The following NRSN1 variants were observed in gnomAD, a reference collection of about 807,000 sequenced individuals.
NRSN1 encodes the protein neurensin 1, also known as neurensin-1.
A neutral mutation model predicts 17.3 loss-of-function variants in NRSN1; 14 were observed. The observed-to-expected ratio is 0.81, with a 90% confidence interval of 0.54 to 1.27. The LOEUF is 1.27. NRSN1 is among the 50% of genes most tolerant of loss of function. NRSN1 has a pLI of 0.00. For missense variants in NRSN1, 209 were observed against 235.9 expected, an observed-to-expected ratio of 0.89 and a Z score of 0.75; for synonymous variants, 79 against 94.2, an observed-to-expected ratio of 0.84 and a Z score of 0.93.
chr6:24,142,833 C>G (rs1290954925), intron 3 of NRSN1, among the ~76,000 whole-genome samples: 2 of 152,206 alleles, frequency 1.3e-5, no homozygotes, highest in Non-Finnish European at 2.9e-5. Context: ...AAGAACAAAG[C>G]TTCCACAGGG....
intron 2 of NRSN1, among the ~76,000 whole-genome samples, chr6:24,133,312 A>G (rs1422576414): frequency 6.6e-6 from 1 of 152,234 alleles, no homozygotes; most frequent in Non-Finnish European, 1.5e-5. Context: ...GGTAAAATAT[A>G]TGGTGTTAGA....
chr6:24,127,775 T>A (rs1163690975), intron 1 of NRSN1, among the ~76,000 whole-genome samples: 1 of 152,208 alleles, frequency 6.6e-6, no homozygotes, highest in Non-Finnish European at 1.5e-5. Flanking sequence ...GCAAGGAACT[T>A]TTTTAAATTT....
chr6:24,145,791 AAAG>A lies in NRSN1; in HGVS notation c.439_441del (p.Glu147del). 3 of 1,614,214 alleles carry A rather than the reference AAAG, an allele frequency of 1.9e-6. No homozygotes were observed. Among genetic ancestry groups the A allele is most frequent in the Non-Finnish European group, 2.5e-6 (3 of 1,180,040 alleles). ...GTCGGTGTTTGTAAAGAGCTACTCC[AAAG>A]AAGAAAAATTCCTCCAGCAGAAGTT... On this transcript the variant is annotated inframe_deletion, in exon 4 of 4. Coordinates refer to ENST00000378491, the MANE Select transcript of NRSN1 (RefSeq NM_080723.5). The surrounding 1 kb of genome is among the most constrained non-coding windows in gnomAD (Gnocchi z 4.4).
At chr6:24,140,800 T>C in intron 3 of NRSN1, 1 of 1,233,710 alleles carries the variant, frequency 8.1e-7, no homozygotes, top group Non-Finnish European at 1.0e-6. Flanking sequence ...CCTCATCAGC[T>C]CACTGGGAAA....
At position 24,140,932 on chromosome 6, in the gene NRSN1, G is replaced by A. The variant is rs757758150; in HGVS notation, c.190-4616G>A. 71 of 1,322,308 alleles carry A rather than the reference G, an allele frequency of 5.4e-5. No homozygotes were observed. In the African/African-American group the frequency reaches 9.9e-4, roughly 18 times the overall value. 81.9% of individuals were successfully genotyped at this position (1,322,308 alleles called of 1,614,324 possible). A position where few individuals can be genotyped will look rare whatever the true frequency, so the allele number is the denominator to read the frequency against. ...ATTTTCCTTTCCAGCAGCAGGAACT[G>A]GGTTTTCACACATCCTCCCACAGCC... On this transcript the variant is annotated intron_variant, in intron 3 of 3. Transcript: ENST00000378491.
chr6:24,130,898 T>C (rs1760018305), intron 2 of NRSN1, among the ~76,000 whole-genome samples: 1 of 152,188 alleles, frequency 6.6e-6, no homozygotes, highest in Non-Finnish European at 1.5e-5. Context: ...TCCAACCCTC[T>C]TACTTTAAGG....
At position 24,142,191 on chromosome 6, in the gene NRSN1, C is replaced by CCTTTTTTT. The variant is rs1554140616; in HGVS notation, c.190-3357_190-3356insCTTTTTTT. ...AGCACTTATGTCTTATACAGAACAGCTTTTTTTTTTTTTTTTTTTTTTTCA... is the reference window on the plus strand; with the variant it reads ...AGCACTTATGTCTTATACAGAACAGCCTTTTTTTTTTTTTTTTTTTTTTTTTTTTTTCA... On this transcript the variant is annotated intron_variant, in intron 3 of 3. Coordinates refer to ENST00000378491, the MANE Select transcript of NRSN1 (RefSeq NM_080723.5). Among the ~76,000 whole-genome samples, 39 of 44,448 alleles carry CCTTTTTTT rather than the reference C, an allele frequency of 8.8e-4. 1 individual carries two copies. Among genetic ancestry groups the CCTTTTTTT allele is most frequent in the Non-Finnish European group, 1.6e-3 (39 of 23,886 alleles). 29.2% of individuals were successfully genotyped at this position (44,448 alleles called of 152,430 possible).
At chr6:24,142,699 C>T (rs929637120) in intron 3 of NRSN1, among the ~76,000 whole-genome samples, 15 of 152,044 alleles carry the variant, frequency 9.9e-5, no homozygotes, top group African/African-American at 3.6e-4. Context: ...GTGGTTCCTC[C>T]CGGTGGATTT....
chr6:24,145,452 T>C lies in NRSN1; in HGVS notation c.190-96T>C, dbSNP rs535049775. ...TGGGGTAACTGGGAATATTCATTTCTCTCAAGAAACAAGACAAGTGCTGCC... is the reference window on the plus strand; with the variant it reads ...TGGGGTAACTGGGAATATTCATTTCCCTCAAGAAACAAGACAAGTGCTGCC... On this transcript the variant is annotated intron_variant, in intron 3 of 3. Transcript: ENST00000378491. The surrounding 1 kb of genome is among the most constrained non-coding windows in gnomAD (Gnocchi z 4.4). The C allele has an allele frequency of 4.8e-5, 43 of 896,958 alleles. No homozygotes were observed. In the South Asian group the frequency reaches 9.8e-4, roughly 20 times the overall value. 55.6% of individuals were successfully genotyped at this position (896,958 alleles called of 1,614,324 possible).
intron 3 of NRSN1, among the ~76,000 whole-genome samples, chr6:24,138,833 G>A (rs889626524): frequency 6.6e-6 from 1 of 152,146 alleles, no homozygotes; most frequent in African/African-American, 2.4e-5. Context: ...GAGGAGCTGT[G>A]GAAGACTCTG....
At chr6:24,132,724 C>A (rs188205965) in intron 2 of NRSN1, among the ~76,000 whole-genome samples, 1 of 152,130 alleles carries the variant, frequency 6.6e-6, no homozygotes, top group African/African-American at 2.4e-5. Flanking sequence ...ATGTGCAGAA[C>A]GTACAGGCTT....
At chr6:24,131,166 T>A (rs926906985) in intron 2 of NRSN1, among the ~76,000 whole-genome samples, 1 of 152,204 alleles carries the variant, frequency 6.6e-6, no homozygotes, top group African/African-American at 2.4e-5. Flanking sequence ...CTCAAAAACA[T>A]GTGTTTTATG....
chr6:24,145,727 C>G lies in NRSN1; in HGVS notation c.369C>G (p.Phe123Leu). Residue 123 changes from phenylalanine (F) to leucine (L), a missense_variant, in exon 4 of 4, where the codon TTC becomes TTG. By Grantham distance (22) the Phe-to-Leu change is conservative (BLOSUM62 0). Transcript: ENST00000378491. The surrounding 1 kb of genome is among the most constrained non-coding windows in gnomAD (Gnocchi z 4.4). ...DMYKLAGAVLFCIGGTSMAGC... is the reference protein window; with the variant it reads ...DMYKLAGAVLLCIGGTSMAGC... ...ACAAGCTGGCAGGAGCTGTTCTCTT[C>G]TGCATTGGAGGCACGTCCATGGCAG... The G allele has an allele frequency of 1.9e-6, 3 of 1,614,222 alleles. No homozygotes were observed. The highest frequency in any genetic ancestry group is 2.5e-6 in the Non-Finnish European group (3 of 1,180,030).
chr6:24,135,967 T>C (rs1760113119), intron 3 of NRSN1, among the ~76,000 whole-genome samples: 1 of 152,222 alleles, frequency 6.6e-6, no homozygotes, highest in Non-Finnish European at 1.5e-5. Flanking sequence ...GATATTGACA[T>C]AAACTTGCAA....
intron 3 of NRSN1, among the ~76,000 whole-genome samples, chr6:24,141,907 A>C (rs1315197556): frequency 6.6e-6 from 1 of 152,200 alleles, no homozygotes; most frequent in East Asian, 1.9e-4. Context: ...TCAGAAACTA[A>C]GATAACTTTC....
intron 3 of NRSN1, among the ~76,000 whole-genome samples, chr6:24,144,621 T>C (rs1241942720): frequency 6.6e-6 from 1 of 152,238 alleles, no homozygotes; most frequent in Non-Finnish European, 1.5e-5. Flanking sequence ...ACTAAAGCCA[T>C]CATGAGAAAG....
intron 1 of NRSN1, among the ~76,000 whole-genome samples, chr6:24,127,782 A>G (rs1419250741): frequency 6.6e-6 from 1 of 152,224 alleles, no homozygotes; most frequent in Non-Finnish European, 1.5e-5. Flanking sequence ...ACTTTTTTAA[A>G]TTTAGAATTT....
chr6:24,133,278 G>A (rs1053015017), intron 2 of NRSN1, among the ~76,000 whole-genome samples: 3 of 152,156 alleles, frequency 2.0e-5, no homozygotes, highest in Admixed American at 6.5e-5. Context: ...CCACCCACAT[G>A]GACAGATGTA....
In NRSN1 at chr6:24,137,974, G is replaced by A. The variant is rs533682793; in HGVS notation, c.189+3458G>A. Among the ~76,000 whole-genome samples, 4 of 152,240 alleles carry A rather than the reference G, an allele frequency of 2.6e-5. No individual in the cohort carries two copies. The South Asian group carries it at 8.3e-4, about 32-fold the overall frequency. On this transcript the variant is annotated intron_variant, in intron 3 of 3. Transcript: ENST00000378491. ...CAGGAGACTGCAAAGAGTTCCCTGT[G>A]GCTGGGGTAAATGTTCAAAAGTTGA...
Sources: gnomAD v4.1 joint callset for allele counts (sites outside exome capture counted in the v4.1 genomes callset) on GRCh38, gnomAD v4.1.1 for gene constraint, Gnocchi (gnomAD v3.1) non-coding constraint, MANE v1.5 for transcripts, NCBI Gene and HGNC (gene_info 2026-07-23, HGNC 2026-07-21) for gene names.